Variants in NR6A1 observed in about 807,000 individuals in gnomAD.
The protein encoded by NR6A1 is retinoic acid receptor-related testis-associated receptor.
A neutral mutation model predicts 59.1 loss-of-function variants in NR6A1; 7 were observed. The ratio of observed to expected loss-of-function variants is 0.12; its 90% confidence interval spans 0.07 to 0.22. The LOEUF (loss-of-function observed/expected upper bound fraction) is 0.22, where lower values mean the gene tolerates loss of function less well. Among genes scored for constraint, NR6A1 ranks in the 10% least tolerant of loss-of-function variants. The pLI is 1.00. For synonymous variants in NR6A1, 243 were observed against 236.1 expected, an observed-to-expected ratio of 1.03 and a Z score of -0.27; for missense variants, 468 against 611.6, an observed-to-expected ratio of 0.77 and a Z score of 2.48.
chr9:124,736,079 A>G (rs1044210847), intron 1 of NR6A1, among the ~76,000 whole-genome samples: 1 of 152,204 alleles, frequency 6.6e-6, no homozygotes, highest in African/African-American at 2.4e-5. Context: ...GAGAATAAGC[A>G]TTCACTTCAT....
rs146316710 is a variant in NR6A1, at chr9:124,567,183, T to C, written c.143-12613A>G. ...TGGGAATATTCTAAAGGCAACTACTTAGGGGACAATGGTCAGGGCTAAAAT... is the reference window on the plus strand; with the variant it reads ...TGGGAATATTCTAAAGGCAACTACTCAGGGGACAATGGTCAGGGCTAAAAT... On this transcript the variant is annotated intron_variant, in intron 2 of 9. Coordinates refer to ENST00000487099, the MANE Select transcript of NR6A1 (RefSeq NM_033334.4). Among the ~76,000 whole-genome samples the C allele has an allele frequency of 4.0e-5, 6 of 151,466 alleles. No homozygotes were observed. In the East Asian group the frequency reaches 7.7e-4, roughly 20 times the overall value.
chr9:124,631,404 T>G (rs1836437359), intron 2 of NR6A1, among the ~76,000 whole-genome samples: 1 of 152,222 alleles, frequency 6.6e-6, no homozygotes, highest in Non-Finnish European at 1.5e-5. Flanking sequence ...ATATACAAAA[T>G]GGTACCCAAA....
intron 2 of NR6A1, among the ~76,000 whole-genome samples, chr9:124,697,186 C>G (rs1370486982): frequency 6.6e-6 from 1 of 152,120 alleles, no homozygotes; most frequent in East Asian, 1.9e-4. Context: ...AAGGAATGCA[C>G]ATTTATGATT....
chr9:124,625,058 C>T (rs1475960409), intron 2 of NR6A1, among the ~76,000 whole-genome samples: 1 of 152,028 alleles, frequency 6.6e-6, no homozygotes, highest in Non-Finnish European at 1.5e-5. Flanking sequence ...ATAAGAAAAG[C>T]CACAAGGCAC....
At chr9:124,729,153 G>A (rs1177191984) in intron 2 of NR6A1, among the ~76,000 whole-genome samples, 3 of 152,148 alleles carry the variant, frequency 2.0e-5, no homozygotes, top group African/African-American at 4.8e-5. Context: ...CATAAAAATA[G>A]AGATAAGTTG....
Position 124,548,306 on chromosome 9 carries a change from TA to T in NR6A1, c.386-4450del, listed in dbSNP as rs577866166. The stretch of plus-strand genomic sequence containing the variant: ...TTAAAAATAAAACAGAACAAAATTT[TA>T]AAGTCTTAATTTAAAAACAAACAAT... On this transcript the variant is annotated intron_variant, in intron 3 of 9. Transcript: ENST00000487099. 6.0e-3 allele frequency among the ~76,000 whole-genome samples: 919 copies of T among 152,280 alleles called. 9 individuals are homozygous for T. Among genetic ancestry groups the T allele is most frequent in the Middle Eastern group, 0.024 (7 of 294 alleles).
At chr9:124,767,736 A>G (rs147137417) in intron 1 of NR6A1, among the ~76,000 whole-genome samples, 3 of 152,206 alleles carry the variant, frequency 2.0e-5, no homozygotes, top group African/African-American at 7.2e-5. Flanking sequence ...GCATGGTTAT[A>G]GCAGAAGAAA....
intron 1 of NR6A1, among the ~76,000 whole-genome samples, chr9:124,740,808 C>T (rs948340937): frequency 6.6e-6 from 1 of 152,126 alleles, no homozygotes; most frequent in Admixed American, 6.6e-5. Flanking sequence ...CATGATTTGG[C>T]ACCCAATAAA....
rs1257638431 is a variant in NR6A1 at position 124,598,454 on chromosome 9, T to G, written c.143-43884A>C. Among the ~76,000 whole-genome samples the G allele has an allele frequency of 2.0e-5, 3 of 151,974 alleles. No individual in the cohort carries two copies. The East Asian group carries it at 5.8e-4, about 29-fold the overall frequency. On this transcript the variant is annotated intron_variant, in intron 2 of 9. Coordinates refer to ENST00000487099, the MANE Select transcript of NR6A1 (RefSeq NM_033334.4). ...AAACAGGAAATCAACATTTTCTACTTGCTAATACTAGCTTTGAAATGTGGG... is the reference window on the plus strand; with the variant it reads ...AAACAGGAAATCAACATTTTCTACTGGCTAATACTAGCTTTGAAATGTGGG...
intron 2 of NR6A1, among the ~76,000 whole-genome samples, chr9:124,584,604 T>C (rs1182016098): frequency 6.6e-6 from 1 of 152,158 alleles, no homozygotes; most frequent in Non-Finnish European, 1.5e-5. Flanking sequence ...TGTTAGTAAT[T>C]GTTTGGGGGT....
chr9:124,662,941 CTG>C (rs1837491553), intron 2 of NR6A1, among the ~76,000 whole-genome samples: 1 of 152,192 alleles, frequency 6.6e-6, no homozygotes, highest in Non-Finnish European at 1.5e-5. Flanking sequence ...AAGCTGATAT[CTG>C]TTCAGGAAAA....
chr9:124,700,385 T>C (rs548757185), intron 2 of NR6A1, among the ~76,000 whole-genome samples: 16 of 151,948 alleles, frequency 1.1e-4, no homozygotes, highest in Middle Eastern at 3.4e-3. Flanking sequence ...TTAAATTTTT[T>C]AATTTTTATT....
chr9:124,771,281 G>GC lies in NR6A1; in HGVS notation c.-163dup. The GC allele has an allele frequency of 2.5e-6, 1 of 392,316 alleles. No individual in the cohort carries two copies. Among genetic ancestry groups the GC allele is most frequent in the East Asian group, 3.7e-5 (1 of 27,190 alleles). 24.3% of individuals were successfully genotyped at this position (392,316 alleles called of 1,614,324 possible). On this transcript the variant is annotated 5_prime_UTR_variant, in exon 1 of 10. Transcript: ENST00000487099. ...GAGCCGCCCGGCTCCGCGCCGCTCC[G>GC]CGCCCCTCCGCGCCGCGCCCCCTCA...
At chr9:124,718,182 C>T (rs1383125383) in intron 2 of NR6A1, among the ~76,000 whole-genome samples, 1 of 152,192 alleles carries the variant, frequency 6.6e-6, no homozygotes. Context: ...TTCCACTGTA[C>T]CATGCACCCA....
At chr9:124,741,954 G>A (rs558996856) in intron 1 of NR6A1, among the ~76,000 whole-genome samples, 86 of 152,248 alleles carry the variant, frequency 5.6e-4, no homozygotes, top group Admixed American at 2.7e-3. Flanking sequence ...AGCACAGAGA[G>A]GAGACAGGCA....
At chr9:124,621,062 A>C (rs1056309386) in intron 2 of NR6A1, among the ~76,000 whole-genome samples, 4 of 152,250 alleles carry the variant, frequency 2.6e-5, no homozygotes, top group African/African-American at 9.6e-5. Flanking sequence ...CTAACTCAAT[A>C]GATACAGTGG....
chr9:124,675,707 C>A (rs973901914), intron 2 of NR6A1, among the ~76,000 whole-genome samples: 1 of 152,132 alleles, frequency 6.6e-6, no homozygotes, highest in Non-Finnish European at 1.5e-5. Context: ...ACAAAGGAGG[C>A]AGTCTAGAAT....
intron 7 of NR6A1, among the ~76,000 whole-genome samples, chr9:124,531,055 G>A (rs757626821): frequency 6.6e-6 from 1 of 152,222 alleles, no homozygotes; most frequent in Non-Finnish European, 1.5e-5. Context: ...TGGCATAATT[G>A]TTAGCTGTTA....
chr9:124,743,086 G>A (rs1298826245), intron 1 of NR6A1, among the ~76,000 whole-genome samples: 15 of 152,132 alleles, frequency 9.9e-5, no homozygotes, highest in Admixed American at 9.2e-4. Flanking sequence ...TTGGTGGTGG[G>A]AAGTAACAAA....
Sources: allele counts gnomAD v4.1 joint callset (sites outside exome capture counted in the v4.1 genomes callset), GRCh38; gene constraint gnomAD v4.1.1; transcripts MANE v1.5; gene names NCBI Gene and HGNC (gene_info 2026-07-23, HGNC 2026-07-21).